Variants in PTBP3 observed in about 807,000 individuals in gnomAD.
PTBP3 encodes the protein polypyrimidine tract-binding protein 3.
Under a neutral mutation model 58.7 loss-of-function variants are expected in PTBP3, and 20 were observed. The observed-to-expected ratio is 0.34, with a 90% confidence interval of 0.24 to 0.50. The LOEUF (loss-of-function observed/expected upper bound fraction) is 0.50. PTBP3 is among the 20% of genes least tolerant of loss of function. The pLI, the probability that PTBP3 is intolerant of heterozygous loss-of-function variation, is 0.98. For synonymous variants in PTBP3, 185 were observed against 219.8 expected, an observed-to-expected ratio of 0.84 and a Z score of 1.40; for missense variants, 509 against 637.2, an observed-to-expected ratio of 0.80 and a Z score of 2.17.
chr9:112,330,951 C>A (rs1009791323), intron 1 of PTBP3, among the ~76,000 whole-genome samples: 9 of 152,160 alleles, frequency 5.9e-5, no homozygotes, highest in African/African-American at 2.2e-4. Flanking sequence ...ATAGTTAAGA[C>A]AGTCTCTCAG....
chr9:112,288,694 T>C (rs1010822760), intron 2 of PTBP3, among the ~76,000 whole-genome samples: 3 of 152,204 alleles, frequency 2.0e-5, no homozygotes, highest in Admixed American at 6.5e-5. Context: ...TTTCACAAAT[T>C]AGAAAAATTA....
chr9:112,269,298 T>C (rs1827266735), intron 3 of PTBP3, among the ~76,000 whole-genome samples: 1 of 149,900 alleles, frequency 6.7e-6, no homozygotes, highest in Non-Finnish European at 1.5e-5. Context: ...CTAAAAACCG[T>C]CTTTAGGGGA....
chr9:112,311,043 G>C (rs1461991458), intron 1 of PTBP3, among the ~76,000 whole-genome samples: 1 of 152,178 alleles, frequency 6.6e-6, no homozygotes, highest in Non-Finnish European at 1.5e-5. Context: ...TTGAACAGGA[G>C]TGAAAAGATC....
At chr9:112,237,930 C>A (rs1835497994) in intron 7 of PTBP3, among the ~76,000 whole-genome samples, 1 of 152,164 alleles carries the variant, frequency 6.6e-6, no homozygotes, top group Non-Finnish European at 1.5e-5. Context: ...ATTTACATTT[C>A]TTGGAAGTCC....
intron 4 of PTBP3, 30 bp downstream of exon 4, chr9:112,268,019 C>T (rs760972061): frequency 1.3e-6 from 2 of 1,580,408 alleles, no homozygotes; most frequent in South Asian, 2.3e-5. Flanking sequence ...TGTTCCCATA[C>T]CTATTTTTAA....
chr9:112,319,019 CG>C (rs1829814695), intron 1 of PTBP3, among the ~76,000 whole-genome samples: 1 of 150,738 alleles, frequency 6.6e-6, no homozygotes, highest in African/African-American at 2.4e-5. Flanking sequence ...CCCATCTACT[CG>C]GGAGGCTGAG....
chr9:112,232,146 C>T lies in PTBP3; in HGVS notation c.973G>A (p.Gly325Ser), dbSNP rs1412570659. ...TGRMAIPGAS[G>S]IPGNSVLLVT... ...AGTAGAACAGAATTTCCTGGTATACCACTAGCCCCAGGAATGGCCATCCTT... is the reference window on the plus strand; with the variant it reads ...AGTAGAACAGAATTTCCTGGTATACTACTAGCCCCAGGAATGGCCATCCTT... The change falls in exon 9 of 14, where the codon GGT becomes AGT. Residue 325 changes from glycine to serine, a missense_variant. Physicochemically the swap from Gly to Ser is moderately conservative, Grantham distance 56. Coordinates refer to ENST00000374257, the MANE Select transcript of PTBP3 (RefSeq NM_001163788.4). 4 of 1,613,290 alleles carry T rather than the reference C, an allele frequency of 2.5e-6. No individual in the cohort carries two copies. Among genetic ancestry groups the T allele is most frequent in the African/African-American group, 1.3e-5 (1 of 74,780 alleles).
chr9:112,324,661 T>TA (rs367609731), intron 1 of PTBP3, among the ~76,000 whole-genome samples: 36 of 129,458 alleles, frequency 2.8e-4, no homozygotes, highest in East Asian at 4.2e-4. Flanking sequence ...TTTTTTTTTT[T>TA]AAAAAAAAAC....
chr9:112,269,189 T>C (rs1196258927), intron 3 of PTBP3, among the ~76,000 whole-genome samples: 1 of 85,260 alleles, frequency 1.2e-5, no homozygotes, highest in Non-Finnish European at 2.0e-5. Flanking sequence ...TGAGCGAAAC[T>C]CTGTCTCAAA....
intron 7 of PTBP3, among the ~76,000 whole-genome samples, chr9:112,236,560 T>C (rs1835445618): frequency 6.6e-6 from 1 of 152,132 alleles, no homozygotes; most frequent in South Asian, 2.1e-4. Flanking sequence ...AAAAACAAAG[T>C]TAAACAATAA....
the PTBP3 span, among the ~76,000 whole-genome samples, chr9:112,371,646 ATTTTT>A: frequency 0.17 from 21,511 of 127,596 alleles, 2,129 homozygotes; most frequent in East Asian, 0.34. Context: ...TTTTTAGTAG[ATTTTT>A]TTTTTTTTTT....
intron 3 of PTBP3, among the ~76,000 whole-genome samples, chr9:112,274,022 T>C (rs2132191840): frequency 6.6e-6 from 1 of 152,314 alleles, no homozygotes; most frequent in South Asian, 2.1e-4. Flanking sequence ...GACATGGCCA[T>C]GTGGTCTCTG....
chr9:112,368,688 T>TA, the PTBP3 span, among the ~76,000 whole-genome samples: 2 of 152,192 alleles, frequency 1.3e-5, no homozygotes, highest in Admixed American at 6.5e-5. Context: ...GATTGGAGTG[T>TA]ATGCAGCACT....
chr9:112,325,303 C>T (rs1462842896), intron 1 of PTBP3, among the ~76,000 whole-genome samples: 6 of 152,074 alleles, frequency 3.9e-5, no homozygotes, highest in Non-Finnish European at 1.5e-5. Context: ...CAACGTGGAG[C>T]GGCTCAGACT....
chr9:112,243,792 T>C (rs185370081), intron 7 of PTBP3, among the ~76,000 whole-genome samples: 10 of 152,300 alleles, frequency 6.6e-5, no homozygotes, highest in African/African-American at 2.4e-4. Flanking sequence ...AGGTATCATT[T>C]TAAACTCTTC....
At chr9:112,332,618 C>T (rs1830420901) in intron 1 of PTBP3, among the ~76,000 whole-genome samples, 1 of 152,238 alleles carries the variant, frequency 6.6e-6, no homozygotes, top group Admixed American at 6.5e-5. Flanking sequence ...ATAGTTGTTA[C>T]TTTAATTACC....
the PTBP3 span, among the ~76,000 whole-genome samples, chr9:112,351,963 T>G: frequency 6.8e-6 from 1 of 147,228 alleles, no homozygotes. Context: ...TTTTTTTTTT[T>G]CCCCCAAGAC....
At chr9:112,306,795 T>C (rs573940390) in intron 1 of PTBP3, among the ~76,000 whole-genome samples, 260 of 152,096 alleles carry the variant, frequency 1.7e-3, no homozygotes, top group African/African-American at 5.8e-3. Context: ...TTTGTATTTT[T>C]AGTAGAGACA....
the PTBP3 span, among the ~76,000 whole-genome samples, chr9:112,369,826 C>T: frequency 1.4e-4 from 21 of 152,198 alleles, no homozygotes; most frequent in African/African-American, 5.1e-4. Context: ...ATTGTAGCTC[C>T]CATAATACCC....
Sources: gnomAD v4.1 joint callset for allele counts (sites outside exome capture counted in the v4.1 genomes callset) on GRCh38, gnomAD v4.1.1 for gene constraint, MANE v1.5 for transcripts, NCBI Gene and HGNC (gene_info 2026-07-23, HGNC 2026-07-21) for gene names.